CFAP43: variants seen among roughly 807,000 people sequenced by gnomAD.
CFAP43 encodes cilia and flagella associated protein 43, also known as cilia- and flagella-associated protein 43.
CFAP43 carries 155 observed loss-of-function variants against 218.9 expected under a neutral mutation model. The observed-to-expected ratio is 0.71, with a 90% CI of 0.62 to 0.81. The LOEUF (loss-of-function observed/expected upper bound fraction) is 0.81, where lower values mean the gene tolerates loss of function less well. Ranked by LOEUF, CFAP43 falls within the 30% of genes least tolerant of loss-of-function variation. The probability of loss-of-function intolerance (pLI) is 0.00; values close to 1 mark genes in which losing one functional copy is unlikely to be tolerated. For missense variants in CFAP43, 1,778 were observed against 1,954.3 expected (o/e 0.91, Z 1.70); for synonymous variants, 645 against 681.3 (o/e 0.95, Z 0.83).
chr10:104,177,097 A>T (rs564852106), intron 19 of CFAP43, among the ~76,000 whole-genome samples: 137 of 152,292 alleles, frequency 9.0e-4, no homozygotes, highest in Non-Finnish European at 1.6e-3. Flanking sequence ...AAATGATTTA[A>T]GAACTTTTTC....
chr10:104,200,340 C>T (rs2090497352), intron 8 of CFAP43, among the ~76,000 whole-genome samples: 1 of 151,268 alleles, frequency 6.6e-6, no homozygotes, highest in Non-Finnish European at 1.5e-5. Context: ...GCCAGGAGAA[C>T]AAACAGCCCA....
At chr10:104,181,083 T>C (rs1470994308) in intron 17 of CFAP43, among the ~76,000 whole-genome samples, 1 of 152,184 alleles carries the variant, frequency 6.6e-6, no homozygotes, top group Non-Finnish European at 1.5e-5. Flanking sequence ...CACGTGGATG[T>C]CTAACAGGCT....
rs374285581 is a variant in CFAP43 at position 104,193,972 on chromosome 10, C to T, written c.1336G>A (p.Val446Met). ...TAGACCGAGCCATCCTCCGTGCCCA[C>T]GGCTGCAGAGAGGGAGGATGGACAG... is the stretch of plus-strand genomic sequence containing the variant. ...ACCPSSLSAA[V>M]GTEDGSVYFI... Residue 446 changes from valine to methionine, a missense_variant, in exon 11 of 38, where the codon GTG becomes ATG. Around this residue, in one of 3 missense-constraint regions of CFAP43, gnomAD observed 1,553 missense variants for 1,685.2 expected, o/e 0.92. Coordinates refer to ENST00000357060, the MANE Select transcript of CFAP43 (RefSeq NM_025145.7). 88 of 1,613,878 alleles carry T rather than the reference C, an allele frequency of 5.5e-5. No individual in the cohort carries two copies. The highest frequency in any genetic ancestry group is 6.9e-5 in the Non-Finnish European group (82 of 1,180,022).
chr10:104,178,604 A>G (rs12779591), intron 19 of CFAP43, among the ~76,000 whole-genome samples: 7,745 of 152,272 alleles, frequency 0.051, 245 homozygotes, highest in South Asian at 0.13. Context: ...AAATAACAAC[A>G]GTATTAAGAA....
intron 3 of CFAP43, among the ~76,000 whole-genome samples, chr10:104,216,757 C>T (rs144001129): frequency 1.7e-4 from 26 of 152,174 alleles, no homozygotes; most frequent in African/African-American, 6.0e-4. Flanking sequence ...GCACTCGGTA[C>T]CAAGTGGTGG....
Position 104,230,862 on chromosome 10 carries a change from C to T in CFAP43, c.66-19G>A. The T allele has an allele frequency of 6.3e-7, 1 of 1,591,038 alleles. No homozygotes were observed. Among genetic ancestry groups the T allele is most frequent in the African/African-American group, 1.4e-5 (1 of 73,624 alleles). On this transcript the variant is annotated intron_variant, in intron 1 of 37. Transcript: ENST00000357060. ...CACCCATCTTTGGGAAAAGATATGT[C>T]AACATCAATATAATACATTTCAAAT... is the stretch of plus-strand genomic sequence containing the variant.
At chr10:104,145,050 T>C (rs1161740971) in intron 31 of CFAP43, among the ~76,000 whole-genome samples, 3 of 152,254 alleles carry the variant, frequency 2.0e-5, no homozygotes, top group African/African-American at 4.8e-5. Context: ...TTCCTTTTTT[T>C]AACCCAGTAT....
intron 2 of CFAP43, among the ~76,000 whole-genome samples, chr10:104,228,829 C>T (rs1370785255): frequency 1.3e-5 from 2 of 152,080 alleles, no homozygotes; most frequent in African/African-American, 4.8e-5. Context: ...ATCGCATTAT[C>T]CATCATCCCC....
intron 34 of CFAP43, 72 bp from the exon 35 acceptor site, chr10:104,133,856 T>G: frequency 3.3e-6 from 4 of 1,199,926 alleles, no homozygotes; most frequent in Middle Eastern, 2.5e-4. Flanking sequence ...TGAGGCTGAA[T>G]GCTATTTTTA....
intron 31 of CFAP43, among the ~76,000 whole-genome samples, chr10:104,144,900 T>C (rs147851603): frequency 6.6e-6 from 1 of 152,326 alleles, no homozygotes; most frequent in Non-Finnish European, 1.5e-5. Context: ...TTTCAAACTT[T>C]AGGCACAAGC....
intron 17 of CFAP43, among the ~76,000 whole-genome samples, chr10:104,180,534 C>T (rs1036519707): frequency 6.6e-6 from 1 of 151,388 alleles, no homozygotes; most frequent in African/African-American, 2.4e-5. Context: ...CAACCTCCGC[C>T]TCCTGGGTTC....
intron 9 of CFAP43, among the ~76,000 whole-genome samples, chr10:104,197,136 T>C (rs2090402817): frequency 6.6e-6 from 1 of 152,210 alleles, no homozygotes. Flanking sequence ...TGCAATTTAA[T>C]ACATAACTAA....
At chr10:104,175,570 A>G (rs1475790212) in intron 19 of CFAP43, among the ~76,000 whole-genome samples, 1 of 152,220 alleles carries the variant, frequency 6.6e-6, no homozygotes, top group African/African-American at 2.4e-5. Context: ...TGAAAACATA[A>G]AACACGATAT....
chr10:104,156,678 G>C (rs2088564047), intron 27 of CFAP43, among the ~76,000 whole-genome samples: 1 of 152,018 alleles, frequency 6.6e-6, no homozygotes, highest in Non-Finnish European at 1.5e-5. Context: ...AGTCAAACAG[G>C]GTGGCTCGGA....
chr10:104,144,370 G>C (rs571553075), intron 31 of CFAP43, among the ~76,000 whole-genome samples: 2 of 152,168 alleles, frequency 1.3e-5, no homozygotes, highest in African/African-American at 4.8e-5. Flanking sequence ...TAGGAAAACC[G>C]CCGGGCGAGA....
At chr10:104,133,351 T>G (rs1014064503) in intron 35 of CFAP43, 2 of 279,968 alleles carry the variant, frequency 7.1e-6, no homozygotes, top group Non-Finnish European at 1.3e-5. Flanking sequence ...GAAATTAAGA[T>G]GGTTAAATGC....
intron 34 of CFAP43, 36 bp downstream of exon 34, chr10:104,140,806 A>C: frequency 6.6e-7 from 1 of 1,509,632 alleles, no homozygotes; most frequent in Non-Finnish European, 8.9e-7. Context: ...ACAAAGCAAG[A>C]CCTTGAATTA....
At chr10:104,180,379 A>G (rs1343872002) in intron 17 of CFAP43, among the ~76,000 whole-genome samples, 1 of 150,986 alleles carries the variant, frequency 6.6e-6, no homozygotes, top group African/African-American at 2.4e-5. Flanking sequence ...ATGCTCTACT[A>G]TCTCCTGTCT....
At chr10:104,187,932 G>A (rs1023553337) in intron 13 of CFAP43, among the ~76,000 whole-genome samples, 7 of 152,032 alleles carry the variant, frequency 4.6e-5, no homozygotes, top group African/African-American at 1.7e-4. Flanking sequence ...TTATAATTTT[G>A]TCAGTGAAGG....
Sources: allele counts gnomAD v4.1 joint callset (sites outside exome capture counted in the v4.1 genomes callset), GRCh38; gene constraint gnomAD v4.1.1; regional missense constraint gnomAD v4.1.1; transcripts MANE v1.5; gene names NCBI Gene and HGNC (gene_info 2026-07-23, HGNC 2026-07-21).